The following OR14I1 variants were observed in gnomAD, a reference collection of about 807,000 sequenced individuals.
OR14I1 encodes the protein olfactory receptor family 14 subfamily I member 1, also known as olfactory receptor 14I1.
For synonymous variants in OR14I1, 118 were observed against 71.1 expected, an observed-to-expected ratio of 1.66 and a Z score of -3.32; for missense variants, 279 against 181.8, an observed-to-expected ratio of 1.53 and a Z score of -3.07.
upstream of OR14I1, among the ~76,000 whole-genome samples, chr1:248,686,113 G>T (rs191041702): frequency 5.9e-5 from 9 of 152,058 alleles, no homozygotes; most frequent in Non-Finnish European, 1.3e-4. Flanking sequence ...ATTTTTAACC[G>T]TAAAGCATAT....
chr1:248,701,692 T>G, the OR14I1 span, among the ~76,000 whole-genome samples: 1 of 152,172 alleles, frequency 6.6e-6, no homozygotes, highest in African/African-American at 2.4e-5. Context: ...TAGGATTCAC[T>G]TCAAATGAAA....
At chr1:248,698,660 G>A in the OR14I1 span, among the ~76,000 whole-genome samples, 1 of 152,196 alleles carries the variant, frequency 6.6e-6, no homozygotes, top group Non-Finnish European at 1.5e-5. Flanking sequence ...TAGATTTTGA[G>A]AAGATTTAGG....
the OR14I1 span, among the ~76,000 whole-genome samples, chr1:248,700,978 A>G: frequency 6.6e-6 from 1 of 152,226 alleles, no homozygotes; most frequent in Non-Finnish European, 1.5e-5. Context: ...TTAATAATCA[A>G]AGACCAAAAT....
chr1:248,685,410 G>C (rs1459542332), upstream of OR14I1, among the ~76,000 whole-genome samples: 1 of 152,092 alleles, frequency 6.6e-6, no homozygotes, highest in Non-Finnish European at 1.5e-5. Context: ...AAACAACCAA[G>C]AATTGCAGCT....
chr1:248,684,683 C>T (rs549461973), upstream of OR14I1, among the ~76,000 whole-genome samples: 99 of 152,050 alleles, frequency 6.5e-4, no homozygotes, highest in Non-Finnish European at 1.3e-3. Flanking sequence ...AACTATTACA[C>T]AAAATATGTT....
chr1:248,682,938 G>A (rs1291858927), upstream of OR14I1, among the ~76,000 whole-genome samples: 2 of 152,180 alleles, frequency 1.3e-5, no homozygotes, highest in Non-Finnish European at 2.9e-5. Flanking sequence ...TGCAAGACAT[G>A]ACAATAGTTA....
chr1:248,692,872 G>C, the OR14I1 span: 2 of 152,138 alleles, frequency 1.3e-5, no homozygotes, highest in Non-Finnish European at 2.9e-5. Flanking sequence ...CATGTAATAA[G>C]CTCTCATTAA....
the OR14I1 span, among the ~76,000 whole-genome samples, chr1:248,696,258 C>T: frequency 1.3e-5 from 2 of 152,180 alleles, no homozygotes; most frequent in Admixed American, 1.3e-4. Context: ...TCAAAACTAC[C>T]TTTTGATAGC....
the OR14I1 span, among the ~76,000 whole-genome samples, chr1:248,695,200 G>GT: frequency 7.4e-6 from 1 of 135,874 alleles, no homozygotes; most frequent in Non-Finnish European, 1.6e-5. Flanking sequence ...AAAGTGATAA[G>GT]TTTTTACGAA....
chr1:248,682,649 C>T (rs1661586385), upstream of OR14I1, among the ~76,000 whole-genome samples: 1 of 152,098 alleles, frequency 6.6e-6, no homozygotes, highest in Admixed American at 6.5e-5. Flanking sequence ...AGTCTCAAGG[C>T]AAATATACTA....
chr1:248,687,553 T>C, the OR14I1 span, among the ~76,000 whole-genome samples: 265 of 152,362 alleles, frequency 1.7e-3, no homozygotes, highest in African/African-American at 5.9e-3. Flanking sequence ...AGGAGATATA[T>C]ATTTTATCAT....
the OR14I1 span, among the ~76,000 whole-genome samples, chr1:248,687,869 A>G: frequency 6.6e-6 from 1 of 152,242 alleles, no homozygotes; most frequent in Non-Finnish European, 1.5e-5. Flanking sequence ...CCAGATATAG[A>G]TAGACATGTA....
the OR14I1 span, among the ~76,000 whole-genome samples, chr1:248,694,911 C>G: frequency 6.6e-6 from 1 of 152,204 alleles, no homozygotes; most frequent in Non-Finnish European, 1.5e-5. Context: ...CCTGTGCTGT[C>G]CAGTACAGTG....
chr1:248,680,286 T>C (rs1209222231), downstream of OR14I1, among the ~76,000 whole-genome samples: 3 of 152,252 alleles, frequency 2.0e-5, no homozygotes, highest in Non-Finnish European at 4.4e-5. Flanking sequence ...TTTTATGTTT[T>C]ATTGTATTTT....
At chr1:248,687,527 A>G in the OR14I1 span, among the ~76,000 whole-genome samples, 2 of 152,198 alleles carry the variant, frequency 1.3e-5, no homozygotes, top group African/African-American at 4.8e-5. Flanking sequence ...TGAATAGAAA[A>G]ATCTGGCAGA....
At chr1:248,686,520 A>G (rs935477623), upstream of OR14I1, among the ~76,000 whole-genome samples, 7 of 152,220 alleles carry the variant, frequency 4.6e-5, no homozygotes, top group African/African-American at 1.4e-4. Context: ...AACTAAAAAT[A>G]GATCTCTCCA....
the OR14I1 span, chr1:248,692,522 A>G: frequency 1.3e-5 from 2 of 152,866 alleles, no homozygotes; most frequent in Admixed American, 1.3e-4. Context: ...TTATTCCGGC[A>G]TTTCTGCCTT....
At chr1:248,698,311 T>C in the OR14I1 span, among the ~76,000 whole-genome samples, 1 of 152,222 alleles carries the variant, frequency 6.6e-6, no homozygotes, top group Admixed American at 6.5e-5. Context: ...ATATGTGCCA[T>C]GTGAAAGAAT....
At chr1:248,683,126 T>A (rs955566063), upstream of OR14I1, among the ~76,000 whole-genome samples, 1 of 152,198 alleles carries the variant, frequency 6.6e-6, no homozygotes, top group African/African-American at 2.4e-5. Context: ...AGTTGCCCAA[T>A]GCACTGAAAG....
Sources: gnomAD v4.1 joint callset for allele counts (sites outside exome capture counted in the v4.1 genomes callset) on GRCh38, gnomAD v4.1.1 for gene constraint, MANE v1.5 for transcripts, NCBI Gene and HGNC (gene_info 2026-07-23, HGNC 2026-07-21) for gene names.